The following GRIN1 variants were observed in gnomAD, a reference collection of about 807,000 sequenced individuals.
GRIN1 encodes the protein glutamate receptor ionotropic, NMDA 1.
GRIN1 carries 38 observed loss-of-function variants against 103.0 expected under a neutral mutation model. The observed-to-expected ratio is 0.37, with a 90% CI of 0.28 to 0.48. GRIN1 has a LOEUF of 0.48. Among genes scored for constraint, GRIN1 ranks in the 20% least tolerant of loss-of-function variants. GRIN1 has a pLI of 0.98. For synonymous variants in GRIN1, 544 were observed against 532.7 expected (o/e 1.02, Z -0.29); for missense variants, 577 against 1,288.9 (o/e 0.45, Z 8.46).
chr9:137,141,719 C>G (rs983145733), intron 1 of GRIN1, among the ~76,000 whole-genome samples: 33 of 152,306 alleles, frequency 2.2e-4, no homozygotes, highest in African/African-American at 7.5e-4. Context: ...GCGTCCCGTG[C>G]TCCAGGCCCC....
intron 19 of GRIN1, 63 bp from the exon 20 acceptor site, chr9:137,167,348 A>C (rs902381409): frequency 3.2e-5 from 42 of 1,302,752 alleles, no homozygotes; most frequent in Non-Finnish European, 4.3e-5. Context: ...CTGGGCGCTG[A>C]GGGCTGGGGT....
chr9:137,158,189 T>C (rs1453751683), intron 6 of GRIN1, among the ~76,000 whole-genome samples, 190 bp from the exon 7 acceptor site: 2 of 152,132 alleles, frequency 1.3e-5, no homozygotes, highest in African/African-American at 4.8e-5. Flanking sequence ...GTGTCCAGGG[T>C]CTGGCGTCTG....
chr9:137,149,119 G>C lies in GRIN1; in HGVS notation c.671+10G>C. The C allele has an allele frequency of 6.4e-7, 1 of 1,569,322 alleles. No homozygotes were observed. Among genetic ancestry groups the C allele is most frequent in the Non-Finnish European group, 8.7e-7 (1 of 1,145,810 alleles). Reference sequence around the variant, plus strand: ...TCATCCTTTCTGCCAGGTGAGGCTGGGCAGGGCCCTACACACTCCACACAG... The same window carrying C: ...TCATCCTTTCTGCCAGGTGAGGCTGCGCAGGGCCCTACACACTCCACACAG... On this transcript the variant is annotated intron_variant, in intron 4 of 19. Coordinates refer to ENST00000371561, the MANE Select transcript of GRIN1 (RefSeq NM_007327.4).
Position 137,160,923 on chromosome 9 carries a change from C to T in GRIN1, c.1198-133C>T, listed in dbSNP as rs1025093834. Reference sequence around the variant, plus strand: ...TCCAGAGAGGGGCAGTGGCCGGCGGCGCAGGGCGGGGGGTGTGAGGGGTGC... The same window carrying T: ...TCCAGAGAGGGGCAGTGGCCGGCGGTGCAGGGCGGGGGGTGTGAGGGGTGC... On this transcript the variant is annotated intron_variant, in intron 8 of 19. Coordinates refer to ENST00000371561, the MANE Select transcript of GRIN1 (RefSeq NM_007327.4). The T allele has an allele frequency of 3.9e-5, 45 of 1,156,688 alleles. No homozygotes were observed. The African/African-American group carries it at 4.6e-4, about 12-fold the overall frequency. 71.7% of individuals were successfully genotyped at this position (1,156,688 alleles called of 1,614,324 possible).
chr9:137,154,918 G>C (rs1432241216), intron 4 of GRIN1, among the ~76,000 whole-genome samples: 1 of 152,220 alleles, frequency 6.6e-6, no homozygotes. Flanking sequence ...CTGGGCAGTG[G>C]CAGGCACAGG....
In GRIN1 at chr9:137,167,869, G is replaced by C; in HGVS notation, c.*342G>C. 1 of 1,603,534 alleles carries C rather than the reference G, an allele frequency of 6.2e-7. No homozygotes were observed. Among genetic ancestry groups the C allele is most frequent in the Non-Finnish European group, 8.5e-7 (1 of 1,172,754 alleles). ...GCCCCCGGAGGCGCCCACCTGCCCA[G>C]TTAGCCCGGCCAAGGACACTGATGG... On this transcript the variant is annotated 3_prime_UTR_variant, in exon 20 of 20. Coordinates refer to ENST00000371561, the MANE Select transcript of GRIN1 (RefSeq NM_007327.4).
rs1832068532 is a variant in GRIN1 at position 137,139,859 on chromosome 9, A to C, written c.258+115A>C. ...CTTCCTCCCTGTAAGACACCACCCC[A>C]GAGTCAGCTGGCTGCTTCCGGGAGG... On this transcript the variant is annotated intron_variant, in intron 1 of 19. Transcript: ENST00000371561. This position sits in a 1 kb window ranked among gnomAD's most constrained non-coding sequence, Gnocchi z 7.7. The C allele has an allele frequency of 8.3e-6, 7 of 841,916 alleles. No homozygotes were observed. Among genetic ancestry groups the C allele is most frequent in the Non-Finnish European group, 1.4e-5 (7 of 509,338 alleles). 52.2% of individuals were successfully genotyped at this position (841,916 alleles called of 1,614,324 possible).
At chr9:137,157,936 G>A (rs1037837734) in intron 6 of GRIN1, among the ~76,000 whole-genome samples, 4 of 152,236 alleles carry the variant, frequency 2.6e-5, no homozygotes, top group Non-Finnish European at 4.4e-5. Context: ...GATGTGGCCC[G>A]ATGGGTACAA....
At chr9:137,161,646 C>G (rs1224888328) in intron 10 of GRIN1, among the ~76,000 whole-genome samples, 1 of 25,528 alleles carries the variant, frequency 3.9e-5, no homozygotes, top group Non-Finnish European at 9.3e-5. Context: ...ACGTGGGGGT[C>G]GGAGTGGGTG....
chr9:137,165,928 A>G (rs1360428817), intron 19 of GRIN1, among the ~76,000 whole-genome samples: 1 of 152,066 alleles, frequency 6.6e-6, no homozygotes, highest in Non-Finnish European at 1.5e-5. Flanking sequence ...GTCTGGGTGG[A>G]CGGCTGGGGC....
intron 4 of GRIN1, among the ~76,000 whole-genome samples, chr9:137,153,277 G>A (rs926797169): frequency 1.4e-5 from 2 of 145,388 alleles, no homozygotes; most frequent in East Asian, 2.1e-4. Context: ...CCATACACAT[G>A]TGCACAAATG....
At position 137,146,955 on chromosome 9, in the gene GRIN1, G is replaced by A. The variant is rs1424448541; in HGVS notation, c.570+1053G>A. Reference sequence around the variant, plus strand: ...GGTCTGCTGAGTCTTGGGGGGGAGGGGCATGGGCACCAAGGGCCCCACCCA... The same window carrying A: ...GGTCTGCTGAGTCTTGGGGGGGAGGAGCATGGGCACCAAGGGCCCCACCCA... On this transcript the variant is annotated intron_variant, in intron 3 of 19. Coordinates refer to ENST00000371561, the MANE Select transcript of GRIN1 (RefSeq NM_007327.4). The surrounding 1 kb of genome is among the most constrained non-coding windows in gnomAD (Gnocchi z 6.7). 1.3e-5 allele frequency among the ~76,000 whole-genome samples: 2 copies of A among 151,014 alleles called. No individual in the cohort carries two copies. Among genetic ancestry groups the A allele is most frequent in the African/African-American group, 4.9e-5 (2 of 40,942 alleles).
At chr9:137,143,347 G>A (rs910338974) in intron 2 of GRIN1, among the ~76,000 whole-genome samples, 9 of 152,244 alleles carry the variant, frequency 5.9e-5, no homozygotes, top group African/African-American at 1.2e-4. Flanking sequence ...AAGCCCTGGC[G>A]TGCCCCCTCG....
chr9:137,144,516 G>A lies in GRIN1; in HGVS notation c.394-1210G>A, dbSNP rs372079622. ...AAAAATACAAAAAAATTAGCCGGGC[G>A]TGGTGGCGGGCGCCTGTAGTCTCAG... On this transcript the variant is annotated intron_variant, in intron 2 of 19. Transcript: ENST00000371561. Among the ~76,000 whole-genome samples, 1,200 of 152,184 alleles carry A rather than the reference G, an allele frequency of 7.9e-3. 10 individuals are homozygous for A. Among genetic ancestry groups the A allele is most frequent in the African/African-American group, 0.016 (664 of 41,518 alleles).
intron 4 of GRIN1, among the ~76,000 whole-genome samples, chr9:137,154,388 G>A (rs1361406004): frequency 1.4e-5 from 2 of 144,216 alleles, no homozygotes; most frequent in Non-Finnish European, 3.0e-5. Flanking sequence ...GCCTCCCAAA[G>A]GGCTGGGATG....
chr9:137,156,933 G>A lies in GRIN1; in HGVS notation c.864G>A (p.Val288=), dbSNP rs770852927. The A allele has an allele frequency of 1.2e-5, 20 of 1,612,192 alleles. No homozygotes were observed. Among genetic ancestry groups the A allele is most frequent in the South Asian group, 1.1e-4 (10 of 91,056 alleles). ...SAHISDAVGV[V]AQAVHELLEK... is the part of the protein sequence containing the mutation. ...ACATCAGCGACGCCGTGGGCGTGGT[G>A]GCCCAGGCCGTGCACGAGCTCCTCG... The change falls in exon 6 of 20, where the codon GTG becomes GTA. Residue 288 remains valine, a synonymous_variant. Coordinates refer to ENST00000371561, the MANE Select transcript of GRIN1 (RefSeq NM_007327.4).
intron 4 of GRIN1, among the ~76,000 whole-genome samples, chr9:137,151,899 C>CTTTT (rs138380793): frequency 0.014 from 1,290 of 93,448 alleles, 66 homozygotes; most frequent in African/African-American, 0.053. Context: ...CTTGTGGCCT[C>CTTTT]TTTTTTTTTT....
chr9:137,165,574 G>T (rs781182642), intron 19 of GRIN1, among the ~76,000 whole-genome samples: 7 of 152,168 alleles, frequency 4.6e-5, no homozygotes, highest in Non-Finnish European at 1.0e-4. Context: ...CTTGAAGCCT[G>T]TCATCTCGTT....
chr9:137,155,582 C>CCCA (rs1833169412), intron 4 of GRIN1, among the ~76,000 whole-genome samples: 1 of 145,470 alleles, frequency 6.9e-6, no homozygotes. Flanking sequence ...AACCCTGCTG[C>CCCA]CCATGTCTGG....
Sources: allele counts gnomAD v4.1 joint callset (sites outside exome capture counted in the v4.1 genomes callset), GRCh38; gene constraint gnomAD v4.1.1; non-coding constraint Gnocchi (gnomAD v3.1); transcripts MANE v1.5; gene names NCBI Gene and HGNC (gene_info 2026-07-23, HGNC 2026-07-21).